Variants in MKLN1 observed in about 807,000 individuals in gnomAD.
The protein encoded by MKLN1 is muskelin.
MKLN1 carries 18 observed loss-of-function variants against 99.0 expected under a neutral mutation model. That is an observed-to-expected ratio of 0.18 (90% confidence interval 0.13 to 0.27). MKLN1 has a LOEUF of 0.27. MKLN1 is among the 10% of genes least tolerant of loss of function. MKLN1 has a pLI of 1.00. For synonymous variants in MKLN1, 288 were observed against 293.2 expected (o/e 0.98, Z 0.18); for missense variants, 621 against 875.9 (o/e 0.71, Z 3.67).
chr7:131,436,349 C>G (rs1162490190), intron 9 of MKLN1, among the ~76,000 whole-genome samples: 1 of 152,184 alleles, frequency 6.6e-6, no homozygotes, highest in South Asian at 2.1e-4. Flanking sequence ...ATTGTCTCCT[C>G]TGTCAGTCAT....
intron 1 of MKLN1, among the ~76,000 whole-genome samples, chr7:131,340,275 CTTTT>C (rs398006316): frequency 1.2e-5 from 1 of 85,050 alleles, no homozygotes; most frequent in Non-Finnish European, 2.1e-5. Context: ...GTAATTACGG[CTTTT>C]TTTTTTTTTT....
chr7:131,248,775 T>G (rs1430938773), intron 3 of MKLN1, among the ~76,000 whole-genome samples: 1 of 152,208 alleles, frequency 6.6e-6, no homozygotes, highest in Non-Finnish European at 1.5e-5. Context: ...GGATGAAGGC[T>G]GAATGCTGTT....
intron 8 of MKLN1, among the ~76,000 whole-genome samples, chr7:131,417,456 C>T (rs2116362450): frequency 6.6e-6 from 1 of 152,238 alleles, no homozygotes; most frequent in East Asian, 1.9e-4. Flanking sequence ...CATGGGTGGT[C>T]ATTTAATATA....
chr7:131,265,870 T>C (rs1411203564), intron 3 of MKLN1, among the ~76,000 whole-genome samples: 3 of 152,050 alleles, frequency 2.0e-5, no homozygotes, highest in African/African-American at 7.2e-5. Flanking sequence ...CACCAACTCA[T>C]TGTGAAGACT....
intron 1 of MKLN1, among the ~76,000 whole-genome samples, chr7:131,332,205 G>T (rs1213512643): frequency 6.6e-6 from 1 of 151,496 alleles, no homozygotes; most frequent in Non-Finnish European, 1.5e-5. Flanking sequence ...GGAGGCTGAG[G>T]CAGGACCATC....
chr7:131,281,420 G>A (rs936007975), intron 3 of MKLN1, among the ~76,000 whole-genome samples: 2 of 151,932 alleles, frequency 1.3e-5, no homozygotes, highest in Non-Finnish European at 2.9e-5. Flanking sequence ...GCCTTATGTC[G>A]TGATTACTGT....
At chr7:131,469,910 C>T (rs1796771241) in intron 15 of MKLN1, among the ~76,000 whole-genome samples, 1 of 143,968 alleles carries the variant, frequency 6.9e-6, no homozygotes, top group Admixed American at 7.1e-5. Flanking sequence ...GGATCTCGTT[C>T]TGTCATCCAG....
At chr7:131,461,898 A>G (rs1441931113) in intron 12 of MKLN1, among the ~76,000 whole-genome samples, 1 of 152,196 alleles carries the variant, frequency 6.6e-6, no homozygotes, top group Non-Finnish European at 1.5e-5. Context: ...TCAGTGTTTT[A>G]CAGATTATTG....
rs374273346 is a variant in MKLN1, at chr7:131,399,288, A to G, written c.558A>G (p.Gln186=). ...GCCTTTGCCTAAAACACTTCAGACA[A>G]CACAACTATACAGAAGCTTTTGAGT... ...AIRLCLKHFR[Q]HNYTEAFESL... The change falls in exon 6 of 18, where the codon CAA becomes CAG. Residue 186 remains glutamine, a synonymous_variant. Coordinates refer to ENST00000352689, the MANE Select transcript of MKLN1 (RefSeq NM_013255.5). 14 of 1,613,924 alleles carry G rather than the reference A, an allele frequency of 8.7e-6. No individual in the cohort carries two copies. In the Admixed American group the frequency reaches 1.5e-4, roughly 17 times the overall value.
At chr7:131,129,475 G>T (rs1795515982) in intron 1 of MKLN1, among the ~76,000 whole-genome samples, 1 of 152,100 alleles carries the variant, frequency 6.6e-6, no homozygotes, top group Admixed American at 6.5e-5. Context: ...TGTCCAAAAA[G>T]AATTATTGCA....
intron 2 of MKLN1, among the ~76,000 whole-genome samples, chr7:131,148,408 G>A (rs377627149): frequency 3.3e-5 from 5 of 152,120 alleles, no homozygotes; most frequent in East Asian, 1.9e-4. Context: ...ATGGAATACC[G>A]AAATGGAGAA....
intron 1 of MKLN1, among the ~76,000 whole-genome samples, chr7:131,116,440 A>C (rs1049862600): frequency 6.6e-6 from 1 of 152,088 alleles, no homozygotes; most frequent in Non-Finnish European, 1.5e-5. Context: ...ATGAAACGAA[A>C]TGGAATAGGT....
At position 131,494,776 on chromosome 7, in the gene MKLN1, G is replaced by T. The variant is rs1797512630; in HGVS notation, c.*7048G>T. 6.6e-6 allele frequency: 1 copy of T among 152,138 alleles called. No homozygotes were observed. The highest frequency in any genetic ancestry group is 6.5e-5 in the Admixed American group (1 of 15,272). 9.4% of individuals were successfully genotyped at this position (152,138 alleles called of 1,614,324 possible). On this transcript the variant is annotated 3_prime_UTR_variant, in exon 18 of 18. Coordinates refer to ENST00000352689, the MANE Select transcript of MKLN1 (RefSeq NM_013255.5). Reference sequence around the variant, plus strand: ...AAGCCGGCTTACTTTTTGGATTTGTGTGAAATGTCTTTTGAAAAGAAAGTA... The same window carrying T: ...AAGCCGGCTTACTTTTTGGATTTGTTTGAAATGTCTTTTGAAAAGAAAGTA...
At chr7:131,131,331 C>G (rs2116226787) in intron 1 of MKLN1, among the ~76,000 whole-genome samples, 1 of 152,200 alleles carries the variant, frequency 6.6e-6, no homozygotes, top group South Asian at 2.1e-4. Flanking sequence ...GAGCTATGAT[C>G]ATGCAACTGC....
chr7:131,227,467 C>G (rs1308621859), intron 3 of MKLN1, among the ~76,000 whole-genome samples: 2 of 143,438 alleles, frequency 1.4e-5, no homozygotes, highest in Admixed American at 7.2e-5. Context: ...TTGTTTCTTT[C>G]TTTCTTTCTC....
intron 1 of MKLN1, among the ~76,000 whole-genome samples, chr7:131,330,262 C>G (rs562904158): frequency 1.3e-5 from 2 of 152,172 alleles, no homozygotes; most frequent in Admixed American, 6.5e-5. Flanking sequence ...TAAGGTACTT[C>G]TTAAACAGGT....
At chr7:131,120,076 C>CAGG (rs1306526708) in intron 1 of MKLN1, among the ~76,000 whole-genome samples, 2 of 145,016 alleles carry the variant, frequency 1.4e-5, no homozygotes, top group Admixed American at 7.3e-5. Flanking sequence ...GAGGCTGAGG[C>CAGG]AGGAGAATGG....
In MKLN1 at chr7:131,194,899, C is replaced by G. The variant is rs6467361; in HGVS notation, c.-296-7958C>G. 3.3e-5 allele frequency among the ~76,000 whole-genome samples: 5 copies of G among 152,068 alleles called. No individual in the cohort carries two copies. In the East Asian group the frequency reaches 9.7e-4, roughly 29 times the overall value. ...CATTCAGGTGACAAATTTAAAGGCACCAAATCATGAAGGATAAAAGGATTT... is the reference window on the plus strand; with the variant it reads ...CATTCAGGTGACAAATTTAAAGGCAGCAAATCATGAAGGATAAAAGGATTT... On this transcript the variant is annotated intron_variant, in intron 2 of 7. Transcript: ENST00000416992.
At chr7:131,329,023 A>G (rs1307825613) in intron 1 of MKLN1, among the ~76,000 whole-genome samples, 2 of 152,360 alleles carry the variant, frequency 1.3e-5, no homozygotes, top group Non-Finnish European at 2.9e-5. Context: ...CCCTCTAACC[A>G]TCTCACAGGA....
Sources: gnomAD v4.1 joint callset for allele counts (sites outside exome capture counted in the v4.1 genomes callset) on GRCh38, gnomAD v4.1.1 for gene constraint, MANE v1.5 for transcripts, NCBI Gene and HGNC (gene_info 2026-07-23, HGNC 2026-07-21) for gene names.